ANK3: variants seen among roughly 807,000 people sequenced by gnomAD.
The protein encoded by ANK3 is ankyrin 3.
A neutral mutation model predicts 370.9 loss-of-function variants in ANK3; 57 were observed. The observed-to-expected ratio is 0.15, with a 90% CI of 0.12 to 0.19. ANK3 has a LOEUF of 0.19. Among genes scored for constraint, ANK3 ranks in the 10% least tolerant of loss-of-function variants. ANK3 has a pLI of 1.00. For missense variants in ANK3, 4,439 were observed against 5,302.1 expected (o/e 0.84, Z 5.06); for synonymous variants, 1,929 against 1,946.3 (o/e 0.99, Z 0.23).
intron 1 of ANK3, among the ~76,000 whole-genome samples, chr10:60,617,749 C>T (rs964531509): frequency 6.6e-5 from 10 of 152,242 alleles, no homozygotes; most frequent in African/African-American, 2.2e-4. Context: ...AAAAAATGTT[C>T]TTGGCTATTT....
At chr10:60,351,897 TA>T (rs1436398439) in intron 1 of ANK3, among the ~76,000 whole-genome samples, 1 of 151,802 alleles carries the variant, frequency 6.6e-6, no homozygotes, top group Non-Finnish European at 1.5e-5. Context: ...AACAATGCAT[TA>T]AAAAGACCAA....
intron 1 of ANK3, among the ~76,000 whole-genome samples, chr10:60,321,124 C>T (rs2132890194): frequency 6.6e-6 from 1 of 152,214 alleles, no homozygotes; most frequent in South Asian, 2.1e-4. Flanking sequence ...GGCATGGTGG[C>T]TCACACCTGT....
intron 23 of ANK3, 169 bp from the exon 24 acceptor site, chr10:60,139,256 T>A: frequency 1.4e-6 from 1 of 702,350 alleles, no homozygotes; most frequent in Non-Finnish European, 2.3e-6. Context: ...AAGGTATAGG[T>A]AAAGGTTAGT....
At chr10:60,505,465 G>C (rs191450682) in intron 2 of ANK3, among the ~76,000 whole-genome samples, 1 of 151,890 alleles carries the variant, frequency 6.6e-6, no homozygotes, top group Non-Finnish European at 1.5e-5. Flanking sequence ...TTTAGTTCTT[G>C]AAGACTAATT....
intron 42 of ANK3, among the ~76,000 whole-genome samples, chr10:60,047,594 G>T (rs1178645799): frequency 6.6e-6 from 1 of 152,180 alleles, no homozygotes; most frequent in South Asian, 2.1e-4. Context: ...TGAACGGATA[G>T]AACTTACCAT....
chr10:60,075,260 G>A lies in ANK3; in HGVS notation c.5621C>T (p.Ser1874Phe). 6.2e-7 allele frequency: 1 copy of A among 1,614,196 alleles called. No individual in the cohort carries two copies. Among genetic ancestry groups the A allele is most frequent in the South Asian group, 1.1e-5 (1 of 91,080 alleles). Reference sequence around the variant, plus strand: ...AAGGAACAAAGATGACTTAACTGGAGATGAAGTTCGACTGAAGTGAGGCTG... The same window carrying A: ...AAGGAACAAAGATGACTTAACTGGAAATGAAGTTCGACTGAAGTGAGGCTG... ...HPQPHFSRTS[S>F]PVKSSLFLAP... is the part of the protein sequence containing the mutation. Residue 1874 changes from serine (S) to phenylalanine (F), a missense_variant, in exon 37 of 44, where the codon TCT becomes TTT. This residue lies in a region of ANK3 where 679 missense variants were observed against 791.0 expected (regional missense o/e 0.86). Transcript: ENST00000280772.
intron 8 of ANK3, among the ~76,000 whole-genome samples, chr10:60,216,625 G>A (rs1313295159): frequency 5.3e-5 from 8 of 152,046 alleles, no homozygotes; most frequent in Admixed American, 3.9e-4. Flanking sequence ...CGATTTACTC[G>A]TGGTAGGTAA....
chr10:60,312,315 T>C (rs1256190715), intron 1 of ANK3, among the ~76,000 whole-genome samples: 1 of 152,160 alleles, frequency 6.6e-6, no homozygotes, highest in Non-Finnish European at 1.5e-5. Context: ...AATCTCCTTA[T>C]CCACATAAAG....
Position 60,028,485 on chromosome 10 carries a change from T to C in ANK3, c.*1361A>G, listed in dbSNP as rs8677. The C allele has an allele frequency of 6.6e-6, 1 of 152,634 alleles. No homozygotes were observed. Among genetic ancestry groups the C allele is most frequent in the Non-Finnish European group, 1.5e-5 (1 of 68,042 alleles). The allele number at this position is 152,634 out of a possible 1,614,324, so 9.5% of individuals were successfully genotyped here. A position where few individuals can be genotyped will look rare whatever the true frequency, so the allele number is the denominator to read the frequency against. On this transcript the variant is annotated 3_prime_UTR_variant, in exon 44 of 44. Transcript: ENST00000280772. ...GTATGGTTTTTCATACATATGTCATTAGAGCTATGTGTCAATGAATGCTGA... is the reference window on the plus strand; with the variant it reads ...GTATGGTTTTTCATACATATGTCATCAGAGCTATGTGTCAATGAATGCTGA...
chr10:60,715,432 G>C (rs757954316), intron 1 of ANK3, among the ~76,000 whole-genome samples: 1 of 151,986 alleles, frequency 6.6e-6, no homozygotes. Flanking sequence ...ATCTGGTGGT[G>C]GGATAAACAT....
chr10:60,353,175 T>TTTTG (rs2057193228), intron 1 of ANK3, among the ~76,000 whole-genome samples: 8 of 149,704 alleles, frequency 5.3e-5, no homozygotes, highest in South Asian at 2.1e-4. Context: ...TTTTTTTTTT[T>TTTTG]AGAGACTGGG....
At chr10:60,147,990 T>C (rs1381847071) in intron 23 of ANK3, among the ~76,000 whole-genome samples, 1 of 152,216 alleles carries the variant, frequency 6.6e-6, no homozygotes, top group African/African-American at 2.4e-5. Context: ...AAGCATTGGG[T>C]AAACTAGGTA....
intron 2 of ANK3, among the ~76,000 whole-genome samples, chr10:60,495,868 A>G (rs1466301745): frequency 6.6e-6 from 1 of 152,196 alleles, no homozygotes; most frequent in Non-Finnish European, 1.5e-5. Context: ...CTTGTCTTCA[A>G]TAATTAACTT....
intron 33 of ANK3, among the ~76,000 whole-genome samples, chr10:60,083,273 T>C (rs896990552): frequency 3.3e-5 from 5 of 152,214 alleles, no homozygotes; most frequent in Admixed American, 6.5e-5. Context: ...TAAACATAAA[T>C]GTTATTAAAC....
At chr10:60,342,116 G>T (rs1312246304) in intron 1 of ANK3, among the ~76,000 whole-genome samples, 1 of 152,080 alleles carries the variant, frequency 6.6e-6, no homozygotes, top group Admixed American at 6.6e-5. Context: ...TGCTTGCCTA[G>T]ACTTTGCAGT....
intron 28 of ANK3, among the ~76,000 whole-genome samples, chr10:60,101,102 T>G (rs2091193113): frequency 6.6e-6 from 1 of 152,252 alleles, no homozygotes; most frequent in Non-Finnish European, 1.5e-5. Context: ...TATTACCATT[T>G]CAATGTGTAA....
At chr10:60,397,977 A>G (rs2063277260) in intron 2 of ANK3, among the ~76,000 whole-genome samples, 1 of 152,136 alleles carries the variant, frequency 6.6e-6, no homozygotes. Context: ...GGCAGATTTC[A>G]TCCTACTTAT....
intron 1 of ANK3, among the ~76,000 whole-genome samples, chr10:60,352,962 A>G (rs889779749): frequency 6.6e-6 from 1 of 151,962 alleles, no homozygotes; most frequent in African/African-American, 2.4e-5. Flanking sequence ...GAAACAAATG[A>G]AAAATAGGAG....
At chr10:60,591,090 A>G (rs2077903506) in intron 2 of ANK3, among the ~76,000 whole-genome samples, 1 of 152,092 alleles carries the variant, frequency 6.6e-6, no homozygotes, top group Admixed American at 6.5e-5. Flanking sequence ...CAGGTTATTC[A>G]CAGAAGTGAT....
Sources: allele counts gnomAD v4.1 joint callset (sites outside exome capture counted in the v4.1 genomes callset), GRCh38; gene constraint gnomAD v4.1.1; regional missense constraint gnomAD v4.1.1; transcripts MANE v1.5; gene names NCBI Gene and HGNC (gene_info 2026-07-23, HGNC 2026-07-21).